The following ULK4 variants were observed in gnomAD, a reference collection of about 807,000 sequenced individuals.
ULK4 encodes unc-51 like kinase 4, also known as inactive serine/threonine-protein kinase ULK4.
ULK4 carries 133 observed loss-of-function variants against 160.6 expected under a neutral mutation model. The ratio of observed to expected loss-of-function variants is 0.83; its 90% CI spans 0.72 to 0.96. The LOEUF (loss-of-function observed/expected upper bound fraction) is 0.96. ULK4 is among the 40% of genes least tolerant of loss of function. The probability of loss-of-function intolerance (pLI) is 0.00; values close to 1 mark genes in which losing one functional copy is unlikely to be tolerated. For missense variants in ULK4, 1,580 were observed against 1,499.5 expected (o/e 1.05, Z -0.89); for synonymous variants, 534 against 539.8 (o/e 0.99, Z 0.15).
chr3:41,539,035 G>T (rs1389255735), intron 32 of ULK4, among the ~76,000 whole-genome samples: 4 of 139,932 alleles, frequency 2.9e-5, no homozygotes, highest in Non-Finnish European at 4.6e-5. Flanking sequence ...CTTTTTCTTA[G>T]TTTTTTTTTT....
chr3:41,889,298 A>AT (rs1288198532), intron 16 of ULK4, among the ~76,000 whole-genome samples: 3 of 152,220 alleles, frequency 2.0e-5, no homozygotes, highest in Non-Finnish European at 4.4e-5. Flanking sequence ...ATTCAGAAGT[A>AT]TATGATACAC....
chr3:41,898,543 T>C (rs1286944720), intron 13 of ULK4, 51 bp from the exon 14 acceptor site: 7 of 1,163,008 alleles, frequency 6.0e-6, no homozygotes, highest in East Asian at 2.4e-5. Context: ...AAGATGGATA[T>C]CTGTCTCCTT....
chr3:41,781,129 CAG>C (rs919856488), intron 21 of ULK4, among the ~76,000 whole-genome samples: 89 of 152,064 alleles, frequency 5.9e-4, no homozygotes, highest in African/African-American at 2.0e-3. Flanking sequence ...GAGAGACAGA[CAG>C]AAGATGAGAC....
intron 21 of ULK4, among the ~76,000 whole-genome samples, chr3:41,772,270 T>C (rs905699564): frequency 2.0e-5 from 3 of 152,040 alleles, no homozygotes; most frequent in African/African-American, 7.2e-5. Context: ...AAAAAATCAA[T>C]GAATCCAGGA....
intron 32 of ULK4, among the ~76,000 whole-genome samples, chr3:41,487,257 G>A (rs915513463): frequency 6.6e-6 from 1 of 152,072 alleles, no homozygotes; most frequent in African/African-American, 2.4e-5. Context: ...AAAAGTATCT[G>A]TGAAGATACA....
intron 21 of ULK4, among the ~76,000 whole-genome samples, chr3:41,770,510 C>CTTTT (rs560284136): frequency 1.5e-5 from 2 of 135,512 alleles, no homozygotes; most frequent in East Asian, 2.1e-4. Flanking sequence ...TAGAAAGATA[C>CTTTT]TTTTTTTTTT....
intron 32 of ULK4, among the ~76,000 whole-genome samples, chr3:41,497,820 T>G (rs2085045667): frequency 6.6e-6 from 1 of 152,130 alleles, no homozygotes; most frequent in Non-Finnish European, 1.5e-5. Flanking sequence ...AGTTCAAGAC[T>G]GTAGTGTGCT....
intron 35 of ULK4, among the ~76,000 whole-genome samples, chr3:41,273,684 G>A (rs1169648251): frequency 6.6e-6 from 1 of 152,278 alleles, no homozygotes; most frequent in African/African-American, 2.4e-5. Flanking sequence ...CTAGAGTGGG[G>A]GTGTGGGGAG....
intron 31 of ULK4, among the ~76,000 whole-genome samples, chr3:41,608,471 C>T (rs751467987): frequency 1.3e-5 from 2 of 152,052 alleles, no homozygotes; most frequent in South Asian, 2.1e-4. Flanking sequence ...TGAGTAATTT[C>T]GAGAAAAAGT....
intron 14 of ULK4, among the ~76,000 whole-genome samples, chr3:41,897,987 C>T (rs1271173963): frequency 6.6e-6 from 1 of 152,178 alleles, no homozygotes; most frequent in Non-Finnish European, 1.5e-5. Flanking sequence ...CCTTAAGTAT[C>T]TCCACTCCCA....
intron 32 of ULK4, among the ~76,000 whole-genome samples, chr3:41,546,766 T>TAA (rs2086876690): frequency 1.1e-4 from 13 of 122,284 alleles, no homozygotes; most frequent in African/African-American, 4.8e-4. Context: ...CCCTAGGCCC[T>TAA]TAAAAAAAAA....
rs139747966 is a variant in ULK4 at position 41,661,569 on chromosome 3, A to C, written c.3071+2038T>G. ...ATAGATAGATAATAGACAGACAGACAGAATTTAAGTAGCCAGAAGAAATTC... is the reference window on the plus strand; with the variant it reads ...ATAGATAGATAATAGACAGACAGACCGAATTTAAGTAGCCAGAAGAAATTC... On this transcript the variant is annotated intron_variant, in intron 30 of 36. Coordinates refer to ENST00000301831, the MANE Select transcript of ULK4 (RefSeq NM_017886.4). 2.7e-3 allele frequency among the ~76,000 whole-genome samples: 411 copies of C among 152,310 alleles called. 2 individuals are homozygous for C. Among genetic ancestry groups the C allele is most frequent in the African/African-American group, 8.9e-3 (370 of 41,564 alleles).
intron 18 of ULK4, among the ~76,000 whole-genome samples, chr3:41,831,531 A>ATATATATATATATATATAT: frequency 7.2e-6 from 1 of 138,060 alleles, no homozygotes; most frequent in East Asian, 2.1e-4. Context: ...ATATATATAT[A>ATATATATATATATATATAT]TTTTTTTTTC....
At position 41,271,206 on chromosome 3, in the gene ULK4, C is replaced by G. The variant is rs73827991; in HGVS notation, c.3679-21632G>C. 5.3e-3 allele frequency among the ~76,000 whole-genome samples: 807 copies of G among 152,172 alleles called. 13 individuals are homozygous for G. Among genetic ancestry groups the G allele is most frequent in the African/African-American group, 0.018 (766 of 41,516 alleles). Reference sequence around the variant, plus strand: ...CCTCATGCCCGTTTGTAATCTCTACCTTCTTCTCCCCACACCCAACTCCAC... The same window carrying G: ...CCTCATGCCCGTTTGTAATCTCTACGTTCTTCTCCCCACACCCAACTCCAC... On this transcript the variant is annotated intron_variant, in intron 35 of 36. Coordinates refer to ENST00000301831, the MANE Select transcript of ULK4 (RefSeq NM_017886.4).
chr3:41,439,297 A>G (rs2083105838), intron 34 of ULK4, among the ~76,000 whole-genome samples: 1 of 152,226 alleles, frequency 6.6e-6, no homozygotes, highest in African/African-American at 2.4e-5. Context: ...GACCCAGGGC[A>G]AGGTAACTAT....
chr3:41,815,786 G>C (rs1229759770), intron 19 of ULK4, among the ~76,000 whole-genome samples: 1 of 152,020 alleles, frequency 6.6e-6, no homozygotes, highest in Non-Finnish European at 1.5e-5. Context: ...AAACCAACTG[G>C]ACCTACACAT....
chr3:41,929,801 A>T (rs1699523943), intron 5 of ULK4, among the ~76,000 whole-genome samples: 1 of 152,184 alleles, frequency 6.6e-6, no homozygotes, highest in South Asian at 2.1e-4. Context: ...GGACCTCTTC[A>T]AGGAGACTAC....
chr3:41,305,545 GC>G (rs2079892924), intron 35 of ULK4, among the ~76,000 whole-genome samples: 1 of 152,232 alleles, frequency 6.6e-6, no homozygotes, highest in African/African-American at 2.4e-5. Context: ...AGGCTGGAGT[GC>G]AGTGGCGTGA....
chr3:41,821,618 T>C (rs948343241), intron 18 of ULK4, among the ~76,000 whole-genome samples: 1 of 152,214 alleles, frequency 6.6e-6, no homozygotes, highest in African/African-American at 2.4e-5. Flanking sequence ...CTATCCCTTA[T>C]TGCTCCTAAA....
Sources: gnomAD v4.1 joint callset for allele counts (sites outside exome capture counted in the v4.1 genomes callset) on GRCh38, gnomAD v4.1.1 for gene constraint, MANE v1.5 for transcripts, NCBI Gene and HGNC (gene_info 2026-07-23, HGNC 2026-07-21) for gene names.